CFAP97: variants seen among roughly 807,000 people sequenced by gnomAD.
CFAP97 encodes cilia and flagella associated protein 97.
CFAP97 carries 36 observed loss-of-function variants against 43.1 expected under a neutral mutation model. That is an observed-to-expected ratio of 0.84 (90% CI 0.64 to 1.10). The LOEUF is 1.10. CFAP97 is among the 50% of genes least tolerant of loss of function. The pLI, the probability that CFAP97 is intolerant of heterozygous loss-of-function variation, is 0.00. For missense variants in CFAP97, 657 were observed against 620.3 expected, an observed-to-expected ratio of 1.06 and a Z score of -0.63; for synonymous variants, 228 against 225.7, an observed-to-expected ratio of 1.01 and a Z score of -0.09.
intron 2 of CFAP97, among the ~76,000 whole-genome samples, chr4:185,183,074 T>C (rs1735865562): frequency 6.6e-6 from 1 of 151,526 alleles, no homozygotes; most frequent in Non-Finnish European, 1.5e-5. Flanking sequence ...CATTCTAGCC[T>C]GGGTGACAGA....
rs1047357753 is a variant in CFAP97, at chr4:185,169,673, T to C, written c.1321-5494A>G. ...AACAAATGTAAACAAATAAATGTCT[T>C]AATGATTTCTGCAGCCGTTAGCAGA... On this transcript the variant is annotated intron_variant, in intron 3 of 4. Transcript: ENST00000458385. 7.1e-6 allele frequency: 7 copies of C among 985,448 alleles called. No individual in the cohort carries two copies. In the South Asian group the frequency reaches 1.9e-4, roughly 26 times the overall value. The allele number at this position is 985,448 out of a possible 1,614,324, so 61.0% of individuals were successfully genotyped here.
upstream of CFAP97, among the ~76,000 whole-genome samples, chr4:185,207,077 A>AGT (rs1313825060): frequency 1.4e-4 from 22 of 152,250 alleles, no homozygotes; most frequent in African/African-American, 5.1e-4. Flanking sequence ...TGCCCACATC[A>AGT]AGGGTGGATC....
At chr4:185,179,285 G>A (rs1488755286) in intron 2 of CFAP97, among the ~76,000 whole-genome samples, 1 of 151,942 alleles carries the variant, frequency 6.6e-6, no homozygotes, top group Non-Finnish European at 1.5e-5. Context: ...GCCGGAAGTT[G>A]GACTGAAGAG....
chr4:185,173,334 G>C (rs191492697), intron 3 of CFAP97, among the ~76,000 whole-genome samples: 393 of 144,490 alleles, frequency 2.7e-3, no homozygotes, highest in Non-Finnish European at 4.2e-3. Context: ...CTGCACTCCA[G>C]CCTGGTGACG....
chr4:185,204,176 G>A (rs1737079809), upstream of CFAP97: 1 of 152,166 alleles, frequency 6.6e-6, no homozygotes, highest in Non-Finnish European at 1.5e-5. Context: ...CACACTAGAA[G>A]AGCCGCGGAA....
In CFAP97 at chr4:185,175,886, C is replaced by T. The variant is rs1397449433; in HGVS notation, c.1220G>A (p.Ser407Asn). ...ELSRQAEKPG[S>N]KSTIPRSADH... is the part of the protein sequence containing the mutation. ...AGCCGATCTAGGAATTGTACTTTTG[C>T]TTCCCGGCTTTTCCGCCTGTCTTGA... The change falls in exon 3 of 5, where the codon AGC (serine) becomes AAC (asparagine). Residue 407 changes from serine (S) to asparagine (N), a missense_variant. Transcript: ENST00000458385. 2 of 1,613,934 alleles carry T rather than the reference C, an allele frequency of 1.2e-6. No homozygotes were observed. Among genetic ancestry groups the T allele is most frequent in the South Asian group, 2.2e-5 (2 of 91,080 alleles).
At chr4:185,202,926 A>G (rs1736950258) in intron 1 of CFAP97, among the ~76,000 whole-genome samples, 1 of 146,816 alleles carries the variant, frequency 6.8e-6, no homozygotes, top group Non-Finnish European at 1.5e-5. Flanking sequence ...AATTTACCAG[A>G]GAATAAGAAA....
Position 185,184,617 on chromosome 4 carries a change from A to G in CFAP97, c.1054+5526T>C, listed in dbSNP as rs569095813. On this transcript the variant is annotated intron_variant, in intron 2 of 4. Transcript: ENST00000458385. ...CTGGAGGAACACAGTGCTAGAAAGT[A>G]GGTCCCTGATGAAGTTTTGAGCCAC... Among the ~76,000 whole-genome samples the G allele has an allele frequency of 3.3e-5, 5 of 152,316 alleles. No individual in the cohort carries two copies. The East Asian group carries it at 9.7e-4, about 29-fold the overall frequency.
chr4:185,189,074 A>G (rs964852730), intron 2 of CFAP97, among the ~76,000 whole-genome samples: 1 of 152,140 alleles, frequency 6.6e-6, no homozygotes, highest in East Asian at 1.9e-4. Flanking sequence ...TCATCTCTAC[A>G]AAAATAAAAA....
At chr4:185,202,483 G>A (rs765186629) in intron 1 of CFAP97, among the ~76,000 whole-genome samples, 13 of 152,042 alleles carry the variant, frequency 8.6e-5, no homozygotes, top group African/African-American at 2.9e-4. Context: ...TGGGAGCTGA[G>A]GCTGCAGTGA....
intron 3 of CFAP97, among the ~76,000 whole-genome samples, chr4:185,165,510 C>G (rs1353146790): frequency 6.6e-6 from 1 of 152,178 alleles, no homozygotes; most frequent in African/African-American, 2.4e-5. Context: ...GTAGACCAAA[C>G]AGCTTGGGGA....
At chr4:185,177,993 C>T (rs1735622061) in intron 2 of CFAP97, among the ~76,000 whole-genome samples, 1 of 151,954 alleles carries the variant, frequency 6.6e-6, no homozygotes, top group Admixed American at 6.6e-5. Context: ...AAATAATTAA[C>T]AGTGGCTTCC....
chr4:185,192,313 A>C (rs1275403236), intron 1 of CFAP97, among the ~76,000 whole-genome samples: 1 of 152,242 alleles, frequency 6.6e-6, no homozygotes, highest in East Asian at 1.9e-4. Context: ...GGTCTGATAT[A>C]TGAGAAATTC....
chr4:185,198,387 G>T (rs1736652258), intron 1 of CFAP97, among the ~76,000 whole-genome samples: 1 of 151,038 alleles, frequency 6.6e-6, no homozygotes, highest in Non-Finnish European at 1.5e-5. Context: ...AAGCTGCAGT[G>T]AGCCAAGATT....
At chr4:185,176,146 CTT>C (rs1735532469) in intron 2 of CFAP97, 95 bp from the exon 3 acceptor site, 2 of 1,121,518 alleles carry the variant, frequency 1.8e-6, no homozygotes, top group East Asian at 2.7e-5. Context: ...GAGTTTCACT[CTT>C]GTTACCCAGA....
rs868753890 is a variant in CFAP97, at chr4:185,162,721, T to C, written c.*77A>G. 6.8e-6 allele frequency: 10 copies of C among 1,462,178 alleles called. No individual in the cohort carries two copies. In the African/African-American group the frequency reaches 1.1e-4, roughly 16 times the overall value. The allele number at this position is 1,462,178 out of a possible 1,614,324, so 90.6% of individuals were successfully genotyped here. A position where few individuals can be genotyped will look rare whatever the true frequency, so the allele number is the denominator to read the frequency against. On this transcript the variant is annotated 3_prime_UTR_variant, in exon 5 of 5. Transcript: ENST00000458385. The stretch of plus-strand genomic sequence containing the variant: ...TTGCTAAAACGGTATTCTAGATGTT[T>C]ACACAGAGAATTATAGGAATATGCA...
rs1214271300 is a variant in CFAP97, at chr4:185,190,898, G to T, written c.299C>A (p.Ser100Ter). ...TGTTGTAACATCACACAATTTTTTT[G>T]ATCTTGAAGAGGCTGGCAATGAGAA... is the stretch of plus-strand genomic sequence containing the variant. ...SSFSLPASSR[S>*]KKLCDVTTGL... The change falls in exon 2 of 5, where the codon TCA becomes TAA. Residue 100 changes from serine (S) to a stop codon, truncating the protein, a stop_gained. Transcript: ENST00000458385. LOFTEE classifies it high-confidence loss of function. 3.1e-6 allele frequency: 5 copies of T among 1,613,096 alleles called. No homozygotes were observed. The highest frequency in any genetic ancestry group is 2.2e-5 in the East Asian group (1 of 44,860).
intron 4 of CFAP97, 150 bp from the exon 5 acceptor site, chr4:185,163,075 A>C: frequency 1.6e-6 from 1 of 617,134 alleles, no homozygotes; most frequent in Non-Finnish European, 2.5e-6. Flanking sequence ...GAAGTTAAAA[A>C]ATATAATAAC....
chr4:185,163,988 C>A (rs754778714), intron 4 of CFAP97, 41 bp downstream of exon 4: 3 of 1,560,424 alleles, frequency 1.9e-6, no homozygotes, highest in Admixed American at 3.6e-5. Flanking sequence ...AAAAAGGATA[C>A]AAGATACAAA....
Sources: allele counts gnomAD v4.1 joint callset (sites outside exome capture counted in the v4.1 genomes callset), GRCh38; gene constraint gnomAD v4.1.1; transcripts MANE v1.5; gene names NCBI Gene and HGNC (gene_info 2026-07-23, HGNC 2026-07-21).